Variants in MAZ observed in about 807,000 individuals in gnomAD.
MAZ encodes MYC associated zinc finger protein.
MAZ carries 4 observed loss-of-function variants against 32.7 expected under a neutral mutation model. That is an observed-to-expected ratio of 0.12 (90% CI 0.06 to 0.28). The LOEUF is 0.28. MAZ is among the 10% of genes least tolerant of loss of function. MAZ has a pLI of 1.00. For missense variants in MAZ, 763 were observed against 667.2 expected (o/e 1.14, Z -1.58); for synonymous variants, 510 against 297.6 (o/e 1.71, Z -7.35).
rs981378159 is a variant in MAZ, at chr16:29,807,176, C to T, written c.391C>T (p.Pro131Ser). The change falls in exon 2 of 5, where the codon CCG becomes TCG. Residue 131 changes from proline to serine, a missense_variant. Pro to Ser is a moderately conservative substitution (Grantham distance 74). Coordinates refer to ENST00000322945, the MANE Select transcript of MAZ (RefSeq NM_002383.4). Reference sequence around the variant, plus strand: ...GGACACAGCGGCCCTGAAGCAGCCTCCGGCGCCCCCTCCGCCACCCCCGCC... The same window carrying T: ...GGACACAGCGGCCCTGAAGCAGCCTTCGGCGCCCCCTCCGCCACCCCCGCC... ...TVDTAALKQPPAPPPPPPPVS... is the reference protein window; with the variant it reads ...TVDTAALKQPSAPPPPPPPVS... 2 of 1,122,952 alleles carry T rather than the reference C, an allele frequency of 1.8e-6. No homozygotes were observed. The highest frequency in any genetic ancestry group is 3.3e-5 in the African/African-American group (2 of 60,376). 69.6% of individuals were successfully genotyped at this position (1,122,952 alleles called of 1,614,324 possible). A position where few individuals can be genotyped will look rare whatever the true frequency, so the allele number is the denominator to read the frequency against.
rs372944944 is a variant in MAZ at position 29,810,273 on chromosome 16, G to A, written c.*42G>A. ...GGGGGAGAGGGGAGAATGGAGTAGA[G>A]TCCCTTGGTACAAGCTCCTCTCCCC... On this transcript the variant is annotated 3_prime_UTR_variant, in exon 5 of 5. Coordinates refer to ENST00000322945, the MANE Select transcript of MAZ (RefSeq NM_002383.4). 45 of 1,538,354 alleles carry A rather than the reference G, an allele frequency of 2.9e-5. No homozygotes were observed. The African/African-American group carries it at 5.6e-4, about 19-fold the overall frequency.
chr16:29,811,161 C>A lies in MAZ; in HGVS notation c.*930C>A, dbSNP rs1899949903. ...CATTACAATAAATTTTAAATAAAAT[C>A]CTGTTTCTGGCTCTGGATTGAATGA... On this transcript the variant is annotated 3_prime_UTR_variant, in exon 5 of 5. Coordinates refer to ENST00000322945, the MANE Select transcript of MAZ (RefSeq NM_002383.4). The A allele has an allele frequency of 2.4e-6, 1 of 419,904 alleles. No homozygotes were observed. Among genetic ancestry groups the A allele is most frequent in the Non-Finnish European group, 4.8e-6 (1 of 208,800 alleles). The allele number at this position is 419,904 out of a possible 1,614,324, so 26.0% of individuals were successfully genotyped here.
At position 29,810,601 on chromosome 16, in the gene MAZ, C is replaced by T. The variant is rs753357322; in HGVS notation, c.*370C>T. The T allele has an allele frequency of 4.5e-6, 3 of 674,106 alleles. No individual in the cohort carries two copies. Among genetic ancestry groups the T allele is most frequent in the Admixed American group, 2.1e-5 (1 of 47,006 alleles). The allele number at this position is 674,106 out of a possible 1,614,324, so 41.8% of individuals were successfully genotyped here. ...CTTCCCTCGACGGTCCTCTTCTCTC[C>T]TTCCAGTCCTCTCCCCCTGCTGTCT... On this transcript the variant is annotated 3_prime_UTR_variant, in exon 5 of 5. Coordinates refer to ENST00000322945, the MANE Select transcript of MAZ (RefSeq NM_002383.4).
Position 29,807,557 on chromosome 16 carries a change from G to A in MAZ, c.772G>A (p.Ala258Thr). 6.2e-7 allele frequency: 1 copy of A among 1,604,330 alleles called. No individual in the cohort carries two copies. Among genetic ancestry groups the A allele is most frequent in the African/African-American group, 1.3e-5 (1 of 74,756 alleles). The change falls in exon 2 of 5, where the codon GCC (alanine) becomes ACC (threonine). Residue 258 changes from alanine (A) to threonine (T), a missense_variant. Coordinates refer to ENST00000322945, the MANE Select transcript of MAZ (RefSeq NM_002383.4). ...AGAGGCGGGTGCCGGCGGCGGCGCTGCCGCAGTGGCCGCCGGTGGCGTGGT... is the reference window on the plus strand; with the variant it reads ...AGAGGCGGGTGCCGGCGGCGGCGCTACCGCAGTGGCCGCCGGTGGCGTGGT... ...GGEAGAGGGA[A>T]AVAAGGVVTT...
At chr16:29,809,722 C>T in intron 4 of MAZ, 3 of 1,469,462 alleles carry the variant, frequency 2.0e-6, no homozygotes, top group Non-Finnish European at 2.7e-6. Flanking sequence ...AGACGCCCCC[C>T]AGCCACAGCC....
rs778752334 is a variant in MAZ at position 29,810,134 on chromosome 16, CGGCAGCAGT to C, written c.1338_1346del (p.Val449_Ala451del). ...GCGGCAGCGGCGGCAGCGGCAGCAGCGGCAGCAGTAGCAGCCCCTCCCACAGCTGTGGGC... is the reference window on the plus strand; with the variant it reads ...GCGGCAGCGGCGGCAGCGGCAGCAGCAGCAGCCCCTCCCACAGCTGTGGGC... On this transcript the variant is annotated inframe_deletion, in exon 5 of 5. Coordinates refer to ENST00000322945, the MANE Select transcript of MAZ (RefSeq NM_002383.4). 3.4e-5 allele frequency: 55 copies of C among 1,609,746 alleles called. No individual in the cohort carries two copies. The highest frequency in any genetic ancestry group is 1.1e-4 in the African/African-American group (8 of 74,702).
In MAZ at chr16:29,807,094, C is replaced by T. The variant is rs1326030125; in HGVS notation, c.309C>T (p.Ala103=). 4.0e-6 allele frequency: 4 copies of T among 996,430 alleles called. No homozygotes were observed. The highest frequency in any genetic ancestry group is 3.6e-6 in the Non-Finnish European group (3 of 830,516). 61.7% of individuals were successfully genotyped at this position (996,430 alleles called of 1,614,324 possible). ...CCGCCGCGGCTGCTGCGGCCGCTGC[C>T]GCCGCTGCTGCCGCCGTCGCTGCCG... ...QESAAAAAAA[A]AAAAAVAAAP... is the part of the protein sequence containing the mutation. The change falls in exon 2 of 5, where the codon GCC becomes GCT. Residue 103 remains alanine (A), a synonymous_variant. Coordinates refer to ENST00000322945, the MANE Select transcript of MAZ (RefSeq NM_002383.4).
chr16:29,809,863 C>A (rs1033959646), intron 4 of MAZ: 73 of 989,280 alleles, frequency 7.4e-5, no homozygotes, highest in Non-Finnish European at 1.0e-4. Context: ...GAGGGATGCC[C>A]ATGTACCACT....
At chr16:29,809,896 A>G in intron 4 of MAZ, 181 bp from the exon 5 acceptor site, 1 of 1,143,596 alleles carries the variant, frequency 8.7e-7, no homozygotes, top group African/African-American at 1.5e-5. Context: ...ACTTCTGGGC[A>G]CAGGGAGGAT....
chr16:29,806,767 G>C lies in MAZ; in HGVS notation c.66G>C (p.Arg22=), dbSNP rs777635969. 1 of 1,434,560 alleles carries C rather than the reference G, an allele frequency of 7.0e-7. No homozygotes were observed. Among genetic ancestry groups the C allele is most frequent in the Non-Finnish European group, 9.2e-7 (1 of 1,085,920 alleles). The allele number at this position is 1,434,560 out of a possible 1,614,324, so 88.9% of individuals were successfully genotyped here. Residue 22 remains arginine (R), a synonymous_variant, in exon 1 of 5, where the codon CGG becomes CGC. Coordinates refer to ENST00000322945, the MANE Select transcript of MAZ (RefSeq NM_002383.4). The part of the protein sequence containing the change: ...PPFPVLGLDS[R]GVGGLMNSFP... ...TCCCCGTGCTGGGCCTGGACTCCCG[G>C]GGGGTGGGCGGCCTCATGAACTCCT...
At chr16:29,806,934 C>A in intron 1 of MAZ, 41 bp downstream of exon 1, 2 of 1,193,102 alleles carry the variant, frequency 1.7e-6, no homozygotes, top group South Asian at 2.1e-5. Flanking sequence ...TGGGGGGGGA[C>A]GCCCGCCCGC....
At chr16:29,808,326 C>T (rs1225420693) in intron 3 of MAZ, 33 bp downstream of exon 3, 8 of 1,598,998 alleles carry the variant, frequency 5.0e-6, no homozygotes, top group Admixed American at 5.0e-5. Context: ...TCTTGGTTTT[C>T]ATGATTTTGA....
rs2516823 is a variant in MAZ, at chr16:29,808,751, G to A, written c.1279+10G>A. On this transcript the variant is annotated intron_variant, in intron 4 of 4. Coordinates refer to ENST00000322945, the MANE Select transcript of MAZ (RefSeq NM_002383.4). ...GAGCTCTGCAACAAAGGTACATGCC[G>A]AGGGCTGCCGGGAGGGCCAGGGGCA... 2.1e-5 allele frequency: 34 copies of A among 1,612,306 alleles called. No homozygotes were observed. The highest frequency in any genetic ancestry group is 3.3e-5 in the South Asian group (3 of 90,918).
Position 29,806,695 on chromosome 16 carries a change from C to T in MAZ, c.-7C>T, listed in dbSNP as rs562753821. The T allele has an allele frequency of 1.1e-5, 14 of 1,230,636 alleles. No individual in the cohort carries two copies. The East Asian group carries it at 4.8e-4, about 42-fold the overall frequency. The allele number at this position is 1,230,636 out of a possible 1,614,324, so 76.2% of individuals were successfully genotyped here. On this transcript the variant is annotated 5_prime_UTR_variant, in exon 1 of 5. Coordinates refer to ENST00000322945, the MANE Select transcript of MAZ (RefSeq NM_002383.4). Reference sequence around the variant, plus strand: ...TGAGCCCCGGGGGCCCCGCTGCGGCCGAGGCCATGTTCCCGGTGTTTCCTT... The same window carrying T: ...TGAGCCCCGGGGGCCCCGCTGCGGCTGAGGCCATGTTCCCGGTGTTTCCTT...
rs1899870710 is a variant in MAZ, at chr16:29,810,349, A to C, written c.*118A>C. On this transcript the variant is annotated 3_prime_UTR_variant, in exon 5 of 5. Coordinates refer to ENST00000322945, the MANE Select transcript of MAZ (RefSeq NM_002383.4). ...CCCTACCAACCAAGGAGCCTCCAGA[A>C]GGAAAGGAGGAAGAAATGTTTTCTT... is the stretch of plus-strand genomic sequence containing the variant. 1.9e-6 allele frequency: 2 copies of C among 1,026,792 alleles called. No homozygotes were observed. The allele number at this position is 1,026,792 out of a possible 1,614,324, so 63.6% of individuals were successfully genotyped here.
rs1470907974 is a variant in MAZ at position 29,808,254 on chromosome 16, C to T, written c.1068C>T (p.Val356=). Residue 356 remains valine, a synonymous_variant, in exon 3 of 5, where the codon GTC becomes GTT. Coordinates refer to ENST00000322945, the MANE Select transcript of MAZ (RefSeq NM_002383.4). ...FSRPDHLNSH[V]RQVHSTERPF... is the part of the protein sequence containing the mutation. Reference sequence around the variant, plus strand: ...GGCCGGATCACCTCAACAGTCACGTCAGACAAGTGCACTCAACAGAACGGC... The same window carrying T: ...GGCCGGATCACCTCAACAGTCACGTTAGACAAGTGCACTCAACAGAACGGC... The T allele has an allele frequency of 6.2e-7, 1 of 1,614,114 alleles. No individual in the cohort carries two copies. Among genetic ancestry groups the T allele is most frequent in the Admixed American group, 1.7e-5 (1 of 60,018 alleles).
At chr16:29,806,925 G>A (rs761614851) in intron 1 of MAZ, 32 bp downstream of exon 1, 121 of 1,226,548 alleles carry the variant, frequency 9.9e-5, no homozygotes, top group Non-Finnish European at 1.2e-4. Context: ...GGCCCGGGCT[G>A]GGGGGGGACG....
intron 3 of MAZ, 72 bp downstream of exon 3, chr16:29,808,365 C>G (rs186779868): frequency 2.0e-5 from 29 of 1,443,702 alleles, no homozygotes; most frequent in Non-Finnish European, 2.6e-5. Flanking sequence ...GAGTCAGTCT[C>G]TCAGACCCCC....
chr16:29,809,708 C>T (rs756448848), intron 4 of MAZ: 18 of 1,486,738 alleles, frequency 1.2e-5, no homozygotes, highest in Admixed American at 2.3e-5. Context: ...CCCCCTGTCC[C>T]GGGAGACGCC....
Sources: allele counts gnomAD v4.1 joint callset, GRCh38; gene constraint gnomAD v4.1.1; transcripts MANE v1.5; gene names NCBI Gene and HGNC (gene_info 2026-07-23, HGNC 2026-07-21).